Variants in SPPL3 observed in about 807,000 individuals in gnomAD.
SPPL3 encodes signal peptide peptidase like 3.
Under a neutral mutation model 42.4 loss-of-function variants are expected in SPPL3, and 5 were observed. The ratio of observed to expected loss-of-function variants is 0.12; its 90% confidence interval spans 0.06 to 0.25. The LOEUF (loss-of-function observed/expected upper bound fraction) is 0.25, where lower values mean the gene tolerates loss of function less well. SPPL3 is among the 10% of genes least tolerant of loss of function. The pLI, the probability that SPPL3 is intolerant of heterozygous loss-of-function variation, is 1.00. For missense variants in SPPL3, 235 were observed against 489.0 expected (o/e 0.48, Z 4.90); for synonymous variants, 195 against 181.8 (o/e 1.07, Z -0.58).
chr12:120,870,510 C>T (rs1872889665), intron 1 of SPPL3, among the ~76,000 whole-genome samples: 1 of 152,024 alleles, frequency 6.6e-6, no homozygotes, highest in African/African-American at 2.4e-5. Context: ...AAAGCAGAGT[C>T]TTGAGAGATG....
At chr12:120,822,946 AG>A (rs1255966983) in intron 1 of SPPL3, among the ~76,000 whole-genome samples, 5 of 152,004 alleles carry the variant, frequency 3.3e-5, no homozygotes, top group African/African-American at 1.2e-4. Flanking sequence ...ATAAAGACTC[AG>A]CCCCTACCAC....
intron 1 of SPPL3, among the ~76,000 whole-genome samples, chr12:120,863,480 G>T (rs545546048): frequency 6.6e-6 from 1 of 152,094 alleles, no homozygotes; most frequent in Non-Finnish European, 1.5e-5. Flanking sequence ...CAGTATTCTC[G>T]TATCTGCTTC....
chr12:120,893,881 C>T (rs992336801), intron 1 of SPPL3, among the ~76,000 whole-genome samples: 3 of 152,178 alleles, frequency 2.0e-5, no homozygotes, highest in Non-Finnish European at 4.4e-5. Flanking sequence ...ATTGTTCTTA[C>T]CTCAAATCTT....
At position 120,768,381 on chromosome 12, in the gene SPPL3, G is replaced by A. The variant is rs751684786; in HGVS notation, c.717C>T (p.Pro239=). The A allele has an allele frequency of 6.2e-7, 1 of 1,614,158 alleles. No individual in the cohort carries two copies. Among genetic ancestry groups the A allele is most frequent in the Admixed American group, 1.7e-5 (1 of 60,022 alleles). The change falls in exon 8 of 11, where the codon CCC becomes CCT. Residue 239 remains proline (P), a synonymous_variant. Coordinates refer to ENST00000353487, the MANE Select transcript of SPPL3 (RefSeq NM_139015.5). The part of the protein sequence containing the change: ...DVLSRKLHLG[P]NVGRDVPRLS... ...GGCGAGGAACATCACGCCCAACATT[G>A]GGCCCCAGGTGGAGCTTCCGGGATA...
chr12:120,820,306 A>ATTTTTTT (rs11374486), intron 1 of SPPL3, among the ~76,000 whole-genome samples: 25 of 100,978 alleles, frequency 2.5e-4, no homozygotes, highest in Admixed American at 3.6e-4. Context: ...CTTTCTCTAA[A>ATTTTTTT]TTTTTTTTTT....
chr12:120,902,443 T>C (rs869781), intron 1 of SPPL3, among the ~76,000 whole-genome samples: 62,498 of 152,082 alleles, frequency 0.41, 14,468 homozygotes, highest in Middle Eastern at 0.56. Flanking sequence ...GATGTTTCTC[T>C]AGGATAATTA....
At chr12:120,838,126 A>G (rs1416426067) in intron 1 of SPPL3, among the ~76,000 whole-genome samples, 1 of 152,246 alleles carries the variant, frequency 6.6e-6, no homozygotes, top group African/African-American at 2.4e-5. Flanking sequence ...AAAGCTATAA[A>G]ATGCTTTACC....
chr12:120,829,994 CAAAAA>C (rs35847324), intron 1 of SPPL3, among the ~76,000 whole-genome samples: 1 of 119,564 alleles, frequency 8.4e-6, no homozygotes, highest in Non-Finnish European at 1.8e-5. Flanking sequence ...AACTCCATCT[CAAAAA>C]AAAAAAAAAA....
chr12:120,815,712 C>G (rs918267754), intron 1 of SPPL3, among the ~76,000 whole-genome samples: 1 of 152,074 alleles, frequency 6.6e-6, no homozygotes, highest in Admixed American at 6.5e-5. Context: ...TTCTGGAAGT[C>G]TGGAATTTTT....
intron 1 of SPPL3, among the ~76,000 whole-genome samples, chr12:120,886,097 C>A (rs148187352): frequency 0.024 from 3,716 of 151,812 alleles, 70 homozygotes; most frequent in Middle Eastern, 0.051. Context: ...CCTGTCTCAG[C>A]CTCCCCAAGT....
chr12:120,842,436 A>G (rs1379920535), intron 1 of SPPL3, among the ~76,000 whole-genome samples: 2 of 152,212 alleles, frequency 1.3e-5, no homozygotes, highest in African/African-American at 4.8e-5. Flanking sequence ...CCCCAAAAAC[A>G]TGGTCCTGAA....
chr12:120,768,849 C>G (rs923447055), intron 7 of SPPL3, 104 bp downstream of exon 7: 1 of 964,066 alleles, frequency 1.0e-6, no homozygotes, highest in Non-Finnish European at 1.6e-6. Flanking sequence ...TGATCAGCAG[C>G]TGGGCAAGCC....
chr12:120,785,216 C>A (rs1262001453), intron 3 of SPPL3, among the ~76,000 whole-genome samples: 1 of 150,510 alleles, frequency 6.6e-6, no homozygotes, highest in African/African-American at 2.5e-5. Flanking sequence ...CCAGCCTGGG[C>A]AACACAGCGA....
intron 1 of SPPL3, among the ~76,000 whole-genome samples, chr12:120,842,660 T>C (rs1446077362): frequency 4.6e-5 from 7 of 152,100 alleles, no homozygotes; most frequent in Non-Finnish European, 8.8e-5. Flanking sequence ...CCTCACATGG[T>C]AGAATAGGCT....
chr12:120,773,795 G>C (rs545190430), intron 6 of SPPL3, among the ~76,000 whole-genome samples: 1 of 152,178 alleles, frequency 6.6e-6, no homozygotes, highest in Non-Finnish European at 1.5e-5. Flanking sequence ...ATAGAGATGG[G>C]GTTTCACCAT....
intron 1 of SPPL3, among the ~76,000 whole-genome samples, chr12:120,870,437 C>T (rs1371172428): frequency 6.6e-6 from 1 of 151,626 alleles, no homozygotes; most frequent in African/African-American, 2.4e-5. Context: ...GAAACTCGGT[C>T]TCAGAAAAAA....
intron 6 of SPPL3, among the ~76,000 whole-genome samples, chr12:120,775,197 T>A (rs937244860): frequency 6.6e-6 from 1 of 152,166 alleles, no homozygotes. Flanking sequence ...GTTGCCCAGG[T>A]TGGAGTGCAG....
chr12:120,875,320 T>C (rs1873051864), intron 1 of SPPL3, among the ~76,000 whole-genome samples: 1 of 151,896 alleles, frequency 6.6e-6, no homozygotes, highest in South Asian at 2.1e-4. Context: ...ACAGGTGAAA[T>C]AGTATAACAT....
At chr12:120,813,622 G>T (rs185978045) in intron 1 of SPPL3, among the ~76,000 whole-genome samples, 1 of 151,876 alleles carries the variant, frequency 6.6e-6, no homozygotes, top group African/African-American at 2.4e-5. Context: ...TGCACCCGGC[G>T]TGATCCTTAA....
Sources: allele counts gnomAD v4.1 joint callset (sites outside exome capture counted in the v4.1 genomes callset), GRCh38; gene constraint gnomAD v4.1.1; transcripts MANE v1.5; gene names NCBI Gene and HGNC (gene_info 2026-07-23, HGNC 2026-07-21).